STARD3NL: variants seen among roughly 807,000 people sequenced by gnomAD.
STARD3NL encodes STARD3 N-terminal like.
A neutral mutation model predicts 30.9 loss-of-function variants in STARD3NL; 17 were observed. That is an observed-to-expected ratio of 0.55 (90% CI 0.38 to 0.82). STARD3NL has a LOEUF of 0.82. Ranked by LOEUF, STARD3NL falls within the 40% of genes least tolerant of loss-of-function variation. The pLI is 0.00. For missense variants in STARD3NL, 234 were observed against 277.6 expected, an observed-to-expected ratio of 0.84 and a Z score of 1.12; for synonymous variants, 112 against 100.5, an observed-to-expected ratio of 1.11 and a Z score of -0.69.
intron 1 of STARD3NL, among the ~76,000 whole-genome samples, chr7:38,199,625 G>A (rs993139720): frequency 6.6e-6 from 1 of 152,150 alleles, no homozygotes; most frequent in African/African-American, 2.4e-5. Context: ...ACTGCCTGGA[G>A]GTTGGAATAT....
chr7:38,195,696 T>C (rs1784870196), intron 1 of STARD3NL, among the ~76,000 whole-genome samples: 1 of 152,196 alleles, frequency 6.6e-6, no homozygotes. Context: ...AATATCTGAG[T>C]GATGATACAA....
chr7:38,196,490 T>A (rs1034244512), intron 1 of STARD3NL, among the ~76,000 whole-genome samples: 1 of 152,218 alleles, frequency 6.6e-6, no homozygotes, highest in African/African-American at 2.4e-5. Context: ...TTATTCCCCA[T>A]TGTAGACCTG....
At chr7:38,225,761 A>G (rs1786724761) in intron 7 of STARD3NL, among the ~76,000 whole-genome samples, 1 of 152,030 alleles carries the variant, frequency 6.6e-6, no homozygotes, top group Non-Finnish European at 1.5e-5. Context: ...AAAGCCATAA[A>G]TTTTCCTCTA....
intron 4 of STARD3NL, chr7:38,216,793 G>A (rs2116351962): frequency 1.9e-6 from 1 of 531,400 alleles, no homozygotes; most frequent in East Asian, 3.0e-5. Flanking sequence ...GCTGAAATGT[G>A]GGAGAATAAA....
In STARD3NL at chr7:38,228,791, C is replaced by T. The variant is rs752139702; in HGVS notation, c.650-8C>T. On this transcript the variant is annotated splice_polypyrimidine_tract_variant and splice_region_variant and intron_variant, in intron 7 of 8. Coordinates refer to ENST00000009041, the MANE Select transcript of STARD3NL (RefSeq NM_032016.4). Reference sequence around the variant, plus strand: ...TACTTTTTCTTTGTCCCCTTCTCCACCACGTAGGATCTGAAGAAGCTGAAG... The same window carrying T: ...TACTTTTTCTTTGTCCCCTTCTCCATCACGTAGGATCTGAAGAAGCTGAAG... The T allele has an allele frequency of 7.5e-6, 12 of 1,610,554 alleles. No individual in the cohort carries two copies. Among genetic ancestry groups the T allele is most frequent in the Non-Finnish European group, 1.7e-6 (2 of 1,177,798 alleles).
intron 1 of STARD3NL, among the ~76,000 whole-genome samples, 193 bp from the exon 2 acceptor site, chr7:38,207,254 T>C (rs1015113426): frequency 2.4e-4 from 36 of 152,262 alleles, no homozygotes; most frequent in Non-Finnish European, 1.9e-4. Flanking sequence ...CTAAAACAGC[T>C]ATTTTGTAGT....
chr7:38,186,222 A>T (rs920023956), intron 1 of STARD3NL, among the ~76,000 whole-genome samples: 1 of 152,166 alleles, frequency 6.6e-6, no homozygotes, highest in Non-Finnish European at 1.5e-5. Flanking sequence ...TGGTCTGCTG[A>T]TGGTTGACAG....
chr7:38,187,997 G>A (rs917534825), intron 1 of STARD3NL, among the ~76,000 whole-genome samples: 9 of 152,102 alleles, frequency 5.9e-5, no homozygotes, highest in Admixed American at 2.0e-4. Context: ...CCCCTCTACT[G>A]CCCTCACCCT....
At position 38,211,406 on chromosome 7, in the gene STARD3NL, C is replaced by A. The variant is rs1184270963; in HGVS notation, c.226-2951C>A. On this transcript the variant is annotated intron_variant, in intron 2 of 8. Coordinates refer to ENST00000009041, the MANE Select transcript of STARD3NL (RefSeq NM_032016.4). ...GCTTGGGGAGAGGGTTTGGAGATCA[C>A]GGCGCATGGAAGTACTGAGGCAGGA... is the stretch of plus-strand genomic sequence containing the variant. Among the ~76,000 whole-genome samples the A allele has an allele frequency of 1.3e-5, 2 of 152,078 alleles. 1 individual carries two copies. Among genetic ancestry groups the A allele is most frequent in the South Asian group, 4.1e-4 (2 of 4,822 alleles).
At chr7:38,207,779 A>G (rs1785575362) in intron 2 of STARD3NL, 50 bp downstream of exon 2, 1 of 1,548,156 alleles carries the variant, frequency 6.5e-7, no homozygotes, top group South Asian at 1.2e-5. Context: ...TCCAGAGACA[A>G]CAGGGTTTTT....
intron 7 of STARD3NL, among the ~76,000 whole-genome samples, chr7:38,226,629 G>C (rs1451259882): frequency 6.6e-6 from 1 of 152,208 alleles, no homozygotes; most frequent in East Asian, 1.9e-4. Context: ...AGGCTAATTG[G>C]CTGGCTTGGG....
chr7:38,200,518 A>G (rs1339773583), intron 1 of STARD3NL, among the ~76,000 whole-genome samples: 1 of 152,154 alleles, frequency 6.6e-6, no homozygotes, highest in Non-Finnish European at 1.5e-5. Flanking sequence ...ATACATTTGT[A>G]TTTAGAATGT....
intron 7 of STARD3NL, among the ~76,000 whole-genome samples, chr7:38,220,995 A>G (rs1024591155): frequency 5.3e-5 from 8 of 152,166 alleles, no homozygotes; most frequent in Admixed American, 1.3e-4. Context: ...GACACATACT[A>G]TAACATGTAT....
chr7:38,197,228 CT>C (rs1479313358), intron 1 of STARD3NL, among the ~76,000 whole-genome samples: 1 of 118,304 alleles, frequency 8.5e-6, no homozygotes, highest in Non-Finnish European at 1.8e-5. Flanking sequence ...CTCTTTCTTT[CT>C]TTCATTTTTT....
At chr7:38,203,008 A>G (rs1046765334) in intron 1 of STARD3NL, among the ~76,000 whole-genome samples, 26 of 141,932 alleles carry the variant, frequency 1.8e-4, no homozygotes, top group African/African-American at 5.6e-4. Flanking sequence ...AATCTTTGCT[A>G]TTGTGAATAG....
intron 1 of STARD3NL, among the ~76,000 whole-genome samples, chr7:38,200,586 A>G (rs144677316): frequency 2.6e-5 from 4 of 152,192 alleles, no homozygotes; most frequent in Non-Finnish European, 5.9e-5. Flanking sequence ...TTTAAGGGCT[A>G]ATAATGCAGA....
intron 1 of STARD3NL, among the ~76,000 whole-genome samples, chr7:38,203,993 TA>T (rs2116194134): frequency 6.6e-6 from 1 of 152,248 alleles, no homozygotes; most frequent in African/African-American, 2.4e-5. Context: ...AGCAAGTCCT[TA>T]GAGACCTACA....
chr7:38,206,872 C>T (rs535093032), intron 1 of STARD3NL, among the ~76,000 whole-genome samples: 8 of 152,242 alleles, frequency 5.3e-5, no homozygotes, highest in Non-Finnish European at 8.8e-5. Context: ...TGGGCTCAAG[C>T]GATCCTCCTA....
intron 1 of STARD3NL, among the ~76,000 whole-genome samples, chr7:38,191,926 G>C (rs539153830): frequency 4.0e-5 from 6 of 151,800 alleles, no homozygotes; most frequent in South Asian, 4.2e-4. Flanking sequence ...AAAAAGCATG[G>C]TGGGATTATG....
Sources: allele counts gnomAD v4.1 joint callset (sites outside exome capture counted in the v4.1 genomes callset), GRCh38; gene constraint gnomAD v4.1.1; transcripts MANE v1.5; gene names NCBI Gene and HGNC (gene_info 2026-07-23, HGNC 2026-07-21).